The following RNF212B variants were observed in gnomAD, a reference collection of about 807,000 sequenced individuals.
The protein encoded by RNF212B is ring finger protein 212B, also known as E3 ubiquitin-protein ligase RNF212B.
RNF212B carries 52 observed loss-of-function variants against 55.5 expected under a neutral mutation model. That is an observed-to-expected ratio of 0.94 (90% CI 0.75 to 1.18). The LOEUF is 1.18. Among genes scored for constraint, RNF212B ranks in the 50% most tolerant of loss-of-function variants. The pLI, the probability that RNF212B is intolerant of heterozygous loss-of-function variation, is 0.00. For synonymous variants in RNF212B, 99 were observed against 121.4 expected (o/e 0.82, Z 1.21); for missense variants, 289 against 350.4 (o/e 0.82, Z 1.40).
intron 10 of RNF212B, 47 bp from the exon 11 acceptor site, chr14:23,264,576 A>G (rs1388373358): frequency 1.0e-5 from 13 of 1,243,038 alleles, no homozygotes; most frequent in Non-Finnish European, 1.4e-5. Flanking sequence ...GGGAAGCCAG[A>G]TAACTGAGAT....
chr14:23,197,047 C>T (rs1359231923), intron 2 of RNF212B, among the ~76,000 whole-genome samples: 1 of 152,106 alleles, frequency 6.6e-6, no homozygotes, highest in Non-Finnish European at 1.5e-5. Context: ...GTGCCTAGGA[C>T]TAAGTAGGTA....
chr14:23,198,417 C>T (rs919489947), intron 2 of RNF212B, among the ~76,000 whole-genome samples: 84 of 152,210 alleles, frequency 5.5e-4, no homozygotes, highest in African/African-American at 2.0e-3. Context: ...TGGTGGCTCA[C>T]GCCTGAAATC....
rs755095572 is a variant in RNF212B at position 23,269,886 on chromosome 14, A to T, written c.698A>T (p.Gln233Leu). The T allele has an allele frequency of 7.8e-6, 12 of 1,547,958 alleles. No individual in the cohort carries two copies. Among genetic ancestry groups the T allele is most frequent in the Non-Finnish European group, 1.0e-5 (12 of 1,144,662 alleles). The change falls in exon 13 of 15, where the codon CAG (glutamine) becomes CTG (leucine). Residue 233 changes from glutamine (Q) to leucine (L), a missense_variant. Transcript: ENST00000430154. ...AGAACTTCATCTGCCTCCTCTGGAC[A>T]GGGGATTTTTTCTTTCAGACCATCC... Reference protein sequence around the residue: ...SYRTSSASSGQGIFSFRPSPN... With the variant: ...SYRTSSASSGLGIFSFRPSPN...
chr14:23,272,243 C>T (rs1460032803), intron 14 of RNF212B, among the ~76,000 whole-genome samples: 1 of 152,008 alleles, frequency 6.6e-6, no homozygotes, highest in Non-Finnish European at 1.5e-5. Flanking sequence ...TGGTGAAACC[C>T]CGTCTATACT....
At chr14:23,214,708 C>T (rs901169044) in intron 2 of RNF212B, among the ~76,000 whole-genome samples, 1 of 151,408 alleles carries the variant, frequency 6.6e-6, no homozygotes, top group Non-Finnish European at 1.5e-5. Context: ...AGAAAACGGG[C>T]ATAACTAATG....
At chr14:23,195,664 ATC>A (rs1312248278) in intron 2 of RNF212B, among the ~76,000 whole-genome samples, 1 of 152,166 alleles carries the variant, frequency 6.6e-6, no homozygotes, top group African/African-American at 2.4e-5. Context: ...CCGACAGCAC[ATC>A]CACCCTCCTA....
chr14:23,191,148 G>A (rs1390973887), intron 1 of RNF212B, among the ~76,000 whole-genome samples: 2 of 152,088 alleles, frequency 1.3e-5, no homozygotes, highest in Admixed American at 6.6e-5. Flanking sequence ...GAGGTCAGGA[G>A]TTCAAGACCA....
chr14:23,267,135 G>C (rs1015046528), intron 11 of RNF212B, among the ~76,000 whole-genome samples: 4 of 151,502 alleles, frequency 2.6e-5, no homozygotes, highest in African/African-American at 9.7e-5. Flanking sequence ...CGCCTGGCTA[G>C]TTTTTTTATT....
rs1304859919 is a variant in RNF212B, at chr14:23,271,442, C to CA, written c.834+792dup. Among the ~76,000 whole-genome samples the CA allele has an allele frequency of 4.5e-3, 579 of 129,736 alleles. 5 individuals are homozygous for CA. The highest frequency in any genetic ancestry group is 0.012 in the African/African-American group (413 of 34,890). The allele number at this position is 129,736 out of a possible 152,430, so 85.1% of individuals were successfully genotyped here. A position where few individuals can be genotyped will look rare whatever the true frequency, so the allele number is the denominator to read the frequency against. On this transcript the variant is annotated intron_variant, in intron 14 of 14. Coordinates refer to ENST00000430154, the MANE Select transcript of RNF212B (RefSeq NM_001282322.3). ...TGGGCAGCAGAGTGAGACTCCATCT[C>CA]AAAAAAAAAAAGAAAAAGAAAGAAA...
Position 23,219,168 on chromosome 14 carries a change from A to C in RNF212B, c.-1-21177A>C, listed in dbSNP as rs116483162. Among the ~76,000 whole-genome samples the C allele has an allele frequency of 8.7e-3, 1,323 of 152,304 alleles. 24 individuals carry two copies. Among genetic ancestry groups the C allele is most frequent in the African/African-American group, 0.03 (1,252 of 41,576 alleles). ...GCTGAGGGATTTCATTAACACCAGA[A>C]CTGTCTTACAAGAAATGCTAAATGG... On this transcript the variant is annotated intron_variant, in intron 2 of 15. Transcript: ENST00000399910.
chr14:23,237,856 C>T (rs866884428), upstream of RNF212B, among the ~76,000 whole-genome samples: 6 of 152,274 alleles, frequency 3.9e-5, no homozygotes, highest in South Asian at 2.1e-4. Context: ...GCCCCGCGCA[C>T]GCCACGGAGC....
intron 2 of RNF212B, among the ~76,000 whole-genome samples, chr14:23,241,534 A>G (rs1433405145): frequency 1.3e-5 from 2 of 151,866 alleles, no homozygotes; most frequent in African/African-American, 2.4e-5. Flanking sequence ...AGCGATTCTC[A>G]TGTCTCAGCC....
intron 2 of RNF212B, among the ~76,000 whole-genome samples, chr14:23,208,718 A>G (rs2140383111): frequency 6.7e-6 from 1 of 149,868 alleles, no homozygotes; most frequent in South Asian, 2.1e-4. Context: ...AAGAATGGCT[A>G]CTTCACAGAC....
intron 4 of RNF212B, among the ~76,000 whole-genome samples, chr14:23,250,695 G>A (rs1884340843): frequency 6.6e-6 from 1 of 152,132 alleles, no homozygotes; most frequent in African/African-American, 2.4e-5. Context: ...CAAGATTGAG[G>A]ACATGCGCCT....
chr14:23,185,981 T>C (rs1877552836), intron 1 of RNF212B, among the ~76,000 whole-genome samples: 1 of 152,070 alleles, frequency 6.6e-6, no homozygotes, highest in Admixed American at 6.6e-5. Flanking sequence ...ACGCCTGTAA[T>C]CCCAGCTACT....
upstream of RNF212B, among the ~76,000 whole-genome samples, chr14:23,237,262 T>C (rs1883181716): frequency 6.6e-6 from 1 of 152,070 alleles, no homozygotes; most frequent in Admixed American, 6.6e-5. Flanking sequence ...CCTCAGTAGC[T>C]GAGATTACAG....
intron 9 of RNF212B, among the ~76,000 whole-genome samples, chr14:23,263,499 A>C (rs1200630982): frequency 6.6e-6 from 1 of 152,238 alleles, no homozygotes; most frequent in Non-Finnish European, 1.5e-5. Flanking sequence ...ACTGGGGGTC[A>C]GGTCCTAACA....
chr14:23,191,106 C>T (rs1322588156), intron 1 of RNF212B, among the ~76,000 whole-genome samples: 2 of 152,196 alleles, frequency 1.3e-5, no homozygotes, highest in East Asian at 1.9e-4. Flanking sequence ...GTAATCCCAG[C>T]GCTTTGGGAG....
At chr14:23,251,570 C>A (rs187476350) in intron 4 of RNF212B, among the ~76,000 whole-genome samples, 1 of 152,190 alleles carries the variant, frequency 6.6e-6, no homozygotes, top group Non-Finnish European at 1.5e-5. Context: ...AATCCCAGCA[C>A]TTTGGGAGGC....
Sources: gnomAD v4.1 joint callset for allele counts (sites outside exome capture counted in the v4.1 genomes callset) on GRCh38, gnomAD v4.1.1 for gene constraint, MANE v1.5 for transcripts, NCBI Gene and HGNC (gene_info 2026-07-23, HGNC 2026-07-21) for gene names.